AP3B1: variants seen among roughly 807,000 people sequenced by gnomAD.
AP3B1 encodes the protein AP-3 complex subunit beta-1.
AP3B1 carries 61 observed loss-of-function variants against 132.5 expected under a neutral mutation model. The ratio of observed to expected loss-of-function variants is 0.46; its 90% CI spans 0.37 to 0.57. The LOEUF (loss-of-function observed/expected upper bound fraction) is 0.57. AP3B1 is among the 20% of genes least tolerant of loss of function. The pLI is 0.00. For missense variants in AP3B1, 1,120 were observed against 1,289.4 expected (o/e 0.87, Z 2.01); for synonymous variants, 388 against 438.3 (o/e 0.89, Z 1.43).
chr5:78,212,235 C>T (rs1290170674), intron 7 of AP3B1, among the ~76,000 whole-genome samples: 6 of 152,082 alleles, frequency 3.9e-5, no homozygotes, highest in African/African-American at 7.2e-5. Flanking sequence ...GAGCCAAGAA[C>T]GCACCACTGC....
chr5:78,191,567 AG>A (rs1431491824), intron 7 of AP3B1, among the ~76,000 whole-genome samples: 3 of 152,150 alleles, frequency 2.0e-5, no homozygotes, highest in Non-Finnish European at 4.4e-5. Flanking sequence ...GTCAGATAAA[AG>A]CCCAGCTTAA....
chr5:78,175,817 T>C lies in AP3B1; in HGVS notation c.1062A>G (p.Leu354=). Reference sequence around the variant, plus strand: ...GAATTGACATAGTTGCTATATTTTGTAGGACAATATACTGCACCTCCCTAG... The same window carrying C: ...GAATTGACATAGTTGCTATATTTTGCAGGACAATATACTGCACCTCCCTAG... The part of the protein sequence containing the change: ...RSNREVQYIV[L]QNIATMSIQR... The change falls in exon 10 of 27, where the codon CTA becomes CTG. Residue 354 remains leucine, a synonymous_variant. Coordinates refer to ENST00000255194, the MANE Select transcript of AP3B1 (RefSeq NM_003664.5). 1 of 1,611,668 alleles carries C rather than the reference T, an allele frequency of 6.2e-7. No individual in the cohort carries two copies. The highest frequency in any genetic ancestry group is 8.5e-7 in the Non-Finnish European group (1 of 1,179,018).
At chr5:78,292,949 G>C (rs1238556395) in intron 1 of AP3B1, among the ~76,000 whole-genome samples, 1 of 151,976 alleles carries the variant, frequency 6.6e-6, no homozygotes. Context: ...CGCGATCTCG[G>C]CTCACTGCAG....
intron 1 of AP3B1, among the ~76,000 whole-genome samples, chr5:78,285,748 T>C (rs924528857): frequency 2.6e-4 from 39 of 152,212 alleles, no homozygotes; most frequent in Admixed American, 2.2e-3. Flanking sequence ...GGCAAAAAAC[T>C]TTGTATCCAC....
intron 2 of AP3B1, among the ~76,000 whole-genome samples, chr5:78,250,130 T>G (rs1308171722): frequency 6.6e-6 from 1 of 152,176 alleles, no homozygotes; most frequent in African/African-American, 2.4e-5. Flanking sequence ...AAAGTGGACC[T>G]AATTTTACCT....
chr5:78,024,715 C>T (rs1288959565), intron 24 of AP3B1, among the ~76,000 whole-genome samples: 2 of 152,074 alleles, frequency 1.3e-5, no homozygotes, highest in East Asian at 1.9e-4. Context: ...CAGGTGCATG[C>T]CACATGCCGG....
At chr5:78,200,271 G>A (rs528238688) in intron 7 of AP3B1, among the ~76,000 whole-genome samples, 7 of 152,114 alleles carry the variant, frequency 4.6e-5, no homozygotes, top group South Asian at 2.1e-4. Flanking sequence ...TGTAACAGAA[G>A]GGTTCAAGGA....
chr5:78,209,248 C>G (rs558242180), intron 7 of AP3B1, among the ~76,000 whole-genome samples: 5 of 152,102 alleles, frequency 3.3e-5, no homozygotes, highest in Non-Finnish European at 7.4e-5. Context: ...TTACACCCTC[C>G]TCCCTTTTGG....
chr5:78,224,853 C>T (rs536303947), intron 6 of AP3B1, among the ~76,000 whole-genome samples: 1 of 151,986 alleles, frequency 6.6e-6, no homozygotes, highest in African/African-American at 2.4e-5. Flanking sequence ...GAAGCAAACA[C>T]TAACAGAATT....
intron 26 of AP3B1, among the ~76,000 whole-genome samples, chr5:78,009,340 G>A (rs917872516): frequency 6.6e-6 from 1 of 151,208 alleles, no homozygotes; most frequent in African/African-American, 2.4e-5. Context: ...TGCACTTGTA[G>A]TCCTAGCTAC....
At chr5:78,040,017 T>A (rs1748006099) in intron 22 of AP3B1, among the ~76,000 whole-genome samples, 1 of 152,058 alleles carries the variant, frequency 6.6e-6, no homozygotes. Context: ...ACTACCAAAA[T>A]GAACGTCTGG....
intron 24 of AP3B1, among the ~76,000 whole-genome samples, chr5:78,026,032 T>C (rs1311938549): frequency 6.6e-6 from 1 of 152,240 alleles, no homozygotes; most frequent in African/African-American, 2.4e-5. Flanking sequence ...TCTACCATTT[T>C]GCCTTCTTTT....
chr5:78,115,915 A>G (rs2112264746), intron 18 of AP3B1: 1 of 578,052 alleles, frequency 1.7e-6, no homozygotes, highest in Non-Finnish European at 3.2e-6. Flanking sequence ...ATCAGCTACT[A>G]TCCAAGAGAT....
intron 25 of AP3B1, 84 bp downstream of exon 25, chr5:78,020,608 T>C (rs1247804349): frequency 8.8e-7 from 1 of 1,135,670 alleles, no homozygotes; most frequent in Non-Finnish European, 1.3e-6. Flanking sequence ...TATGTACCTA[T>C]GAAAATTTAT....
chr5:78,283,350 C>A (rs1216369187), intron 1 of AP3B1, among the ~76,000 whole-genome samples: 3 of 152,192 alleles, frequency 2.0e-5, no homozygotes, highest in African/African-American at 7.2e-5. Context: ...TGTCTTCCTC[C>A]TACGGAAGTA....
chr5:78,247,890 T>C (rs1282872507), intron 2 of AP3B1, among the ~76,000 whole-genome samples: 1 of 152,192 alleles, frequency 6.6e-6, no homozygotes, highest in Non-Finnish European at 1.5e-5. Flanking sequence ...GTTTATTCCC[T>C]GTATTTTCTG....
downstream of AP3B1, chr5:78,002,243 A>T (rs1746218519): frequency 5.6e-6 from 1 of 178,026 alleles, no homozygotes; most frequent in Non-Finnish European, 1.2e-5. Flanking sequence ...GTAACACTCA[A>T]AATACTTGCT....
At chr5:78,115,566 T>G (rs1160593540) in intron 18 of AP3B1, among the ~76,000 whole-genome samples, 1 of 152,204 alleles carries the variant, frequency 6.6e-6, no homozygotes, top group Non-Finnish European at 1.5e-5. Context: ...TCAATTTGCA[T>G]AGGTAAAAGC....
chr5:78,294,296 C>T, intron 1 of AP3B1, 156 bp downstream of exon 1: 2 of 1,028,730 alleles, frequency 1.9e-6, no homozygotes, highest in South Asian at 1.5e-5. Flanking sequence ...CACCGCCAAC[C>T]AACCCCACCT....
Sources: allele counts gnomAD v4.1 joint callset (sites outside exome capture counted in the v4.1 genomes callset), GRCh38; gene constraint gnomAD v4.1.1; transcripts MANE v1.5; gene names NCBI Gene and HGNC (gene_info 2026-07-23, HGNC 2026-07-21).